Variants in TGFBR1 observed in about 807,000 individuals in gnomAD.
TGFBR1 encodes TGF-beta receptor type-1.
A neutral mutation model predicts 55.1 loss-of-function variants in TGFBR1; 20 were observed. The ratio of observed to expected loss-of-function variants is 0.36; its 90% confidence interval spans 0.26 to 0.53. TGFBR1 has a LOEUF of 0.53. TGFBR1 is among the 20% of genes least tolerant of loss of function. The pLI is 0.91. For missense variants in TGFBR1, 385 were observed against 617.6 expected, an observed-to-expected ratio of 0.62 and a Z score of 3.99; for synonymous variants, 220 against 214.8, an observed-to-expected ratio of 1.02 and a Z score of -0.21.
chr9:99,146,748 G>A, intron 7 of TGFBR1, 139 bp downstream of exon 7: 2 of 1,337,766 alleles, frequency 1.5e-6, no homozygotes, highest in South Asian at 1.2e-5. Context: ...GAAAACAAAG[G>A]CGATGAAACC....
At chr9:99,104,358 C>T (rs1181948404), upstream of TGFBR1, among the ~76,000 whole-genome samples, 2 of 152,106 alleles carry the variant, frequency 1.3e-5, no homozygotes, top group South Asian at 4.1e-4. Context: ...CGGCTTGGAT[C>T]CCCATCCTGG....
chr9:99,151,861 T>A lies in TGFBR1; in HGVS notation c.*2556T>A, dbSNP rs200553684. ...AGATAAATTTGATTAGAGTAATAAT[T>A]TTGTCATTTAAAAACACAGTTGTTT... On this transcript the variant is annotated 3_prime_UTR_variant, in exon 9 of 9. Coordinates refer to ENST00000374994, the MANE Select transcript of TGFBR1 (RefSeq NM_004612.4). 3 of 209,878 alleles carry A rather than the reference T, an allele frequency of 1.4e-5. No homozygotes were observed. Among genetic ancestry groups the A allele is most frequent in the Non-Finnish European group, 1.9e-5 (2 of 102,868 alleles). The allele number at this position is 209,878 out of a possible 1,614,324, so 13.0% of individuals were successfully genotyped here. A position where few individuals can be genotyped will look rare whatever the true frequency, so the allele number is the denominator to read the frequency against.
intron 1 of TGFBR1, among the ~76,000 whole-genome samples, chr9:99,126,222 A>G (rs950808431): frequency 3.3e-5 from 5 of 152,226 alleles, no homozygotes; most frequent in African/African-American, 1.2e-4. Context: ...GGCCCTAGAT[A>G]GCATTTGCCA....
At chr9:99,135,891 G>A (rs537444830) in intron 3 of TGFBR1, among the ~76,000 whole-genome samples, 149 of 120,094 alleles carry the variant, frequency 1.2e-3, no homozygotes, top group African/African-American at 4.5e-3. Flanking sequence ...GTTTCACTCT[G>A]TTGCCCAGGC....
At chr9:99,149,084 A>G in intron 8 of TGFBR1, 96 bp from the exon 9 acceptor site, 1 of 1,261,160 alleles carries the variant, frequency 7.9e-7, no homozygotes, top group Non-Finnish European at 1.1e-6. Flanking sequence ...ACAAGTGTAT[A>G]TGTCATTTAA....
chr9:99,132,890 A>T (rs1224377098), intron 3 of TGFBR1, 151 bp downstream of exon 3: 8 of 1,106,850 alleles, frequency 7.2e-6, no homozygotes, highest in South Asian at 1.6e-5. Flanking sequence ...TTTAAGCTTG[A>T]TGTATATATG....
chr9:99,124,157 G>A (rs765581328), intron 1 of TGFBR1, among the ~76,000 whole-genome samples: 19 of 152,126 alleles, frequency 1.2e-4, no homozygotes, highest in Non-Finnish European at 2.4e-4. Flanking sequence ...TGACTTGAAT[G>A]CTGGTGAAGC....
At position 99,132,660 on chromosome 9, in the gene TGFBR1, A is replaced by G. The variant is rs753147276; in HGVS notation, c.495A>G (p.Ser165=). 7.4e-6 allele frequency: 12 copies of G among 1,614,186 alleles called. No individual in the cohort carries two copies. Among genetic ancestry groups the G allele is most frequent in the South Asian group, 5.5e-5 (5 of 91,088 alleles). The change falls in exon 3 of 9, where the codon TCA becomes TCG. Residue 165 remains serine (S), a synonymous_variant. Coordinates refer to ENST00000374994, the MANE Select transcript of TGFBR1 (RefSeq NM_004612.4). ...GAGTGCCAAATGAAGAGGACCCTTCATTAGATCGCCCTTTTATTTCAGAGG... is the reference window on the plus strand; with the variant it reads ...GAGTGCCAAATGAAGAGGACCCTTCGTTAGATCGCCCTTTTATTTCAGAGG... ...HHRVPNEEDP[S]LDRPFISEGT...
At position 99,151,624 on chromosome 9, in the gene TGFBR1, A is replaced by G. The variant is rs1197101109; in HGVS notation, c.*2319A>G. On this transcript the variant is annotated 3_prime_UTR_variant, in exon 9 of 9. Transcript: ENST00000374994. ...TTATTGAATCAAAGATTGAGTTACAATTATACTTTTCTTACCTAAGTGGAT... is the reference window on the plus strand; with the variant it reads ...TTATTGAATCAAAGATTGAGTTACAGTTATACTTTTCTTACCTAAGTGGAT... The G allele has an allele frequency of 8.7e-6, 2 of 229,546 alleles. No homozygotes were observed. Among genetic ancestry groups the G allele is most frequent in the Non-Finnish European group, 1.7e-5 (2 of 115,668 alleles). 14.2% of individuals were successfully genotyped at this position (229,546 alleles called of 1,614,324 possible).
At chr9:99,104,976 C>A (rs1482053957), upstream of TGFBR1, 2 of 210,312 alleles carry the variant, frequency 9.5e-6, no homozygotes, top group Non-Finnish European at 1.8e-5. Context: ...GGCTGCCTGG[C>A]GGGCCCGCAG....
intron 5 of TGFBR1, among the ~76,000 whole-genome samples, chr9:99,143,856 T>G (rs562618747): frequency 6.6e-6 from 1 of 152,320 alleles, no homozygotes; most frequent in African/African-American, 2.4e-5. Context: ...CCTTTTTGTC[T>G]GTAGATTTGC....
Position 99,150,982 on chromosome 9 carries a change from TTA to T in TGFBR1, c.*1680_*1681del, listed in dbSNP as rs1305102664. 4.4e-6 allele frequency: 1 copy of T among 227,408 alleles called. No individual in the cohort carries two copies. Among genetic ancestry groups the T allele is most frequent in the East Asian group, 6.3e-5 (1 of 15,836 alleles). The allele number at this position is 227,408 out of a possible 1,614,324, so 14.1% of individuals were successfully genotyped here. A position where few individuals can be genotyped will look rare whatever the true frequency, so the allele number is the denominator to read the frequency against. ...ATAGCTCTGAGGCAAGACTTCGACTTTATAGTGCTATCAGTTCCCCGATACAG... is the reference window on the plus strand; with the variant it reads ...ATAGCTCTGAGGCAAGACTTCGACTTTAGTGCTATCAGTTCCCCGATACAG... On this transcript the variant is annotated 3_prime_UTR_variant, in exon 9 of 9. Transcript: ENST00000374994.
At chr9:99,113,089 C>T (rs942817514) in intron 1 of TGFBR1, among the ~76,000 whole-genome samples, 1 of 152,156 alleles carries the variant, frequency 6.6e-6, no homozygotes, top group African/African-American at 2.4e-5. Context: ...CAGGTTCATG[C>T]TATTTTTCCC....
At chr9:99,105,552 C>T (rs1435905530) in intron 1 of TGFBR1, among the ~76,000 whole-genome samples, 3 of 151,270 alleles carry the variant, frequency 2.0e-5, no homozygotes, top group Non-Finnish European at 4.4e-5. Context: ...GAGGCCGCCC[C>T]GCTCGGGACT....
chr9:99,147,862 A>C (rs1827850016), intron 8 of TGFBR1, 78 bp downstream of exon 8: 3 of 1,559,100 alleles, frequency 1.9e-6, no homozygotes, highest in Non-Finnish European at 2.6e-6. Context: ...ACTTTTCTTT[A>C]AGGAAAACTT....
rs779159436 is a variant in TGFBR1 at position 99,146,476 on chromosome 9, T to C, written c.1131-9T>C. The C allele has an allele frequency of 1.2e-6, 2 of 1,613,800 alleles. No homozygotes were observed. Among genetic ancestry groups the C allele is most frequent in the South Asian group, 2.2e-5 (2 of 91,084 alleles). The stretch of plus-strand genomic sequence containing the variant: ...GATTTTCAAAGTTCTTTTTGCAAAT[T>C]TTTTTTAGGTACATGGCCCCTGAAG... On this transcript the variant is annotated splice_polypyrimidine_tract_variant and intron_variant, in intron 6 of 8. Transcript: ENST00000374994.
At chr9:99,120,476 C>CA (rs1826866637) in intron 1 of TGFBR1, among the ~76,000 whole-genome samples, 1 of 152,180 alleles carries the variant, frequency 6.6e-6, no homozygotes. Flanking sequence ...TGAAGTGGAA[C>CA]AAAAACAAGG....
chr9:99,128,662 A>T, intron 1 of TGFBR1, 193 bp from the exon 2 acceptor site: 1 of 766,712 alleles, frequency 1.3e-6, no homozygotes, highest in Non-Finnish European at 2.2e-6. Flanking sequence ...TTGGGCTTCC[A>T]CGTGTATGTG....
intron 1 of TGFBR1, among the ~76,000 whole-genome samples, chr9:99,121,379 G>A (rs1184840302): frequency 6.6e-6 from 1 of 152,124 alleles, no homozygotes. Context: ...CATGTATACA[G>A]AGATAAGCAA....
Sources: allele counts gnomAD v4.1 joint callset (sites outside exome capture counted in the v4.1 genomes callset), GRCh38; gene constraint gnomAD v4.1.1; transcripts MANE v1.5; gene names NCBI Gene and HGNC (gene_info 2026-07-23, HGNC 2026-07-21).